PARN: variants seen among roughly 807,000 people sequenced by gnomAD.
PARN encodes poly(A)-specific ribonuclease.
In PARN, 71 loss-of-function variants were observed where a neutral mutation model predicts 102.8. The observed-to-expected ratio is 0.69, with a 90% CI of 0.57 to 0.84. The LOEUF (loss-of-function observed/expected upper bound fraction) is 0.84, where lower values mean the gene tolerates loss of function less well. Among genes scored for constraint, PARN ranks in the 40% least tolerant of loss-of-function variants. PARN has a pLI of 0.00. For missense variants in PARN, 782 were observed against 760.9 expected, an observed-to-expected ratio of 1.03 and a Z score of -0.33; for synonymous variants, 261 against 252.9, an observed-to-expected ratio of 1.03 and a Z score of -0.30.
At chr16:14,508,886 C>T (rs1965043543) in intron 21 of PARN, among the ~76,000 whole-genome samples, 1 of 148,608 alleles carries the variant, frequency 6.7e-6, no homozygotes, top group African/African-American at 2.5e-5. Flanking sequence ...ACAGCAAGAC[C>T]CAGTCTCTTA....
At chr16:14,455,207 A>T (rs989547399) in intron 22 of PARN, among the ~76,000 whole-genome samples, 7 of 152,238 alleles carry the variant, frequency 4.6e-5, no homozygotes, top group Admixed American at 3.3e-4. Flanking sequence ...ATTGGTCAAG[A>T]GTTGGTCAAA....
Position 14,543,800 on chromosome 16 carries a change from C to T in PARN, c.1480+8221G>A, listed in dbSNP as rs117787454. 9.2e-3 allele frequency among the ~76,000 whole-genome samples: 1,404 copies of T among 152,104 alleles called. 7 individuals carry two copies. Among genetic ancestry groups the T allele is most frequent in the Non-Finnish European group, 0.014 (918 of 67,958 alleles). On this transcript the variant is annotated intron_variant, in intron 21 of 23. Coordinates refer to ENST00000437198, the MANE Select transcript of PARN (RefSeq NM_002582.4). ...AAGAACAAAACACAGAGAAAGCAAACAAAAAGCAAATTTTAAAATGACAGA... is the reference window on the plus strand; with the variant it reads ...AAGAACAAAACACAGAGAAAGCAAATAAAAAGCAAATTTTAAAATGACAGA...
chr16:14,515,761 C>A (rs1226203867), intron 21 of PARN, among the ~76,000 whole-genome samples: 2 of 151,950 alleles, frequency 1.3e-5, no homozygotes, highest in African/African-American at 2.4e-5. Context: ...TACAGCAAGA[C>A]CCTGTGTCTT....
At chr16:14,457,235 G>A (rs1961719479) in intron 22 of PARN, among the ~76,000 whole-genome samples, 2 of 152,206 alleles carry the variant, frequency 1.3e-5, no homozygotes, top group South Asian at 4.1e-4. Context: ...CCTACTAGAT[G>A]TAGCTAAGGG....
intron 12 of PARN, among the ~76,000 whole-genome samples, 152 bp downstream of exon 12, chr16:14,599,752 A>C (rs1970762344): frequency 6.6e-6 from 1 of 152,214 alleles, no homozygotes; most frequent in Non-Finnish European, 1.5e-5. Flanking sequence ...AGTGCATTAT[A>C]ACAACAGTCT....
intron 18 of PARN, among the ~76,000 whole-genome samples, chr16:14,563,522 G>GTGTGTGTA (rs1423811963): frequency 1.3e-4 from 19 of 149,148 alleles, no homozygotes; most frequent in East Asian, 3.9e-4. Context: ...GTGTGTGTGT[G>GTGTGTGTA]TATATAATTC....
chr16:14,539,701 T>A (rs1284773377), intron 21 of PARN, among the ~76,000 whole-genome samples: 1 of 152,218 alleles, frequency 6.6e-6, no homozygotes, highest in Non-Finnish European at 1.5e-5. Flanking sequence ...TCACATGTCT[T>A]ACTAATAATG....
chr16:14,468,387 C>T (rs1317184947), intron 22 of PARN, among the ~76,000 whole-genome samples: 1 of 152,120 alleles, frequency 6.6e-6, no homozygotes, highest in African/African-American at 2.4e-5. Flanking sequence ...GACAGTCGGT[C>T]CATGTTTTTA....
At chr16:14,474,873 C>T (rs937552892) in intron 22 of PARN, among the ~76,000 whole-genome samples, 1 of 152,176 alleles carries the variant, frequency 6.6e-6, no homozygotes, top group Non-Finnish European at 1.5e-5. Flanking sequence ...GGCAATGGGT[C>T]CTGGAATATG....
chr16:14,577,990 G>T (rs1031950915), intron 18 of PARN, among the ~76,000 whole-genome samples: 2 of 151,872 alleles, frequency 1.3e-5, no homozygotes, highest in Non-Finnish European at 2.9e-5. Context: ...TTCTAAGGGG[G>T]TTAAGAATGA....
chr16:14,527,932 T>C (rs1966094565), intron 21 of PARN, among the ~76,000 whole-genome samples: 1 of 152,238 alleles, frequency 6.6e-6, no homozygotes, highest in Non-Finnish European at 1.5e-5. Flanking sequence ...CCTTCAGCTT[T>C]GGCTGGAAGC....
chr16:14,604,103 G>A (rs754977924), intron 11 of PARN, 43 bp downstream of exon 11: 7 of 1,069,814 alleles, frequency 6.5e-6, no homozygotes, highest in Non-Finnish European at 1.0e-5. Context: ...CAATATTTAT[G>A]TTGCCATTTC....
intron 5 of PARN, among the ~76,000 whole-genome samples, chr16:14,623,292 G>A (rs150768584): frequency 6.6e-6 from 1 of 152,040 alleles, no homozygotes; most frequent in Non-Finnish European, 1.5e-5. Context: ...GAGGTGGGCA[G>A]ATCACGAGGT....
chr16:14,438,463 C>T (rs2151546301), intron 23 of PARN, among the ~76,000 whole-genome samples: 1 of 142,898 alleles, frequency 7.0e-6, no homozygotes, highest in South Asian at 2.2e-4. Context: ...TGTGTGAGTG[C>T]ACAGTGAGCC....
chr16:14,590,991 T>A (rs564608548), intron 13 of PARN, among the ~76,000 whole-genome samples: 9 of 152,326 alleles, frequency 5.9e-5, no homozygotes, highest in African/African-American at 1.7e-4. Flanking sequence ...AGTGCACACC[T>A]GTGGTTTTAC....
chr16:14,618,932 G>A (rs562269940), intron 5 of PARN, among the ~76,000 whole-genome samples: 5 of 151,838 alleles, frequency 3.3e-5, no homozygotes, highest in Admixed American at 6.6e-5. Context: ...ACGGTGGCTC[G>A]CACCTGTAAT....
intron 22 of PARN, among the ~76,000 whole-genome samples, chr16:14,467,013 C>T (rs1962402422): frequency 6.6e-6 from 1 of 152,172 alleles, no homozygotes; most frequent in Non-Finnish European, 1.5e-5. Flanking sequence ...ACCTACTCCT[C>T]TCTCCTCTCC....
chr16:14,603,211 A>G (rs1038862004), intron 11 of PARN, among the ~76,000 whole-genome samples: 3 of 152,094 alleles, frequency 2.0e-5, no homozygotes, highest in Admixed American at 2.0e-4. Context: ...TACAGTCATG[A>G]GCCATCACAC....
intron 21 of PARN, among the ~76,000 whole-genome samples, chr16:14,516,991 A>T (rs942527303): frequency 1.3e-5 from 2 of 152,180 alleles, no homozygotes; most frequent in South Asian, 2.1e-4. Flanking sequence ...GACACAGAAG[A>T]GGGAAGGCAG....
Sources: gnomAD v4.1 joint callset for allele counts (sites outside exome capture counted in the v4.1 genomes callset) on GRCh38, gnomAD v4.1.1 for gene constraint, MANE v1.5 for transcripts, NCBI Gene and HGNC (gene_info 2026-07-23, HGNC 2026-07-21) for gene names.